TBC1D5: variants seen among roughly 807,000 people sequenced by gnomAD.
TBC1D5 encodes the protein TBC1 domain family member 5, also known as TBC1 domain family, member 5.
In TBC1D5, 75 loss-of-function variants were observed where a neutral mutation model predicts 100.3. The observed-to-expected ratio is 0.75, with a 90% CI of 0.62 to 0.91. TBC1D5 has a LOEUF of 0.91. Among genes scored for constraint, TBC1D5 ranks in the 40% least tolerant of loss-of-function variants. TBC1D5 has a pLI of 0.00. For missense variants in TBC1D5, 910 were observed against 942.4 expected (o/e 0.97, Z 0.45); for synonymous variants, 323 against 325.6 (o/e 0.99, Z 0.09).
intron 13 of TBC1D5, among the ~76,000 whole-genome samples, chr3:17,360,757 T>C (rs1421120142): frequency 6.6e-6 from 1 of 152,034 alleles, no homozygotes; most frequent in Non-Finnish European, 1.5e-5. Flanking sequence ...AAATTTCTTC[T>C]ATGTTATATA....
At chr3:17,410,967 G>T (rs2093907755) in intron 4 of TBC1D5, among the ~76,000 whole-genome samples, 1 of 152,138 alleles carries the variant, frequency 6.6e-6, no homozygotes, top group African/African-American at 2.4e-5. Context: ...TTTGAAACAA[G>T]TTCTACTCTG....
chr3:17,615,976 C>T (rs541651614), intron 2 of TBC1D5, among the ~76,000 whole-genome samples: 103 of 152,098 alleles, frequency 6.8e-4, no homozygotes, highest in Middle Eastern at 3.4e-3. Context: ...TTAATTGTGA[C>T]GTTAGGGTGT....
chr3:17,288,162 T>C (rs1365177896), intron 15 of TBC1D5, among the ~76,000 whole-genome samples: 7 of 152,146 alleles, frequency 4.6e-5, no homozygotes, highest in Non-Finnish European at 8.8e-5. Context: ...CCTCTTTTTT[T>C]CCCCCTTAGC....
Position 17,501,547 on chromosome 3 carries a change from C to G in TBC1D5, c.97+6927G>C, listed in dbSNP as rs1405073511. On this transcript the variant is annotated intron_variant, in intron 3 of 21. Transcript: ENST00000253692. ...TTTTGGCCCTACTGCTCCCACATTC[C>G]CTTCAGGACTCCCATCACCACACTA... Among the ~76,000 whole-genome samples, 4 of 149,028 alleles carry G rather than the reference C, an allele frequency of 2.7e-5. 1 individual carries two copies. Among genetic ancestry groups the G allele is most frequent in the African/African-American group, 1.0e-4 (4 of 39,028 alleles).
At chr3:17,727,491 G>A (rs141949991) in intron 1 of TBC1D5, among the ~76,000 whole-genome samples, 1 of 152,198 alleles carries the variant, frequency 6.6e-6, no homozygotes, top group Non-Finnish European at 1.5e-5. Context: ...CCAAGAAACA[G>A]AGTCATAAGA....
At chr3:17,452,840 C>T (rs2094958883) in intron 3 of TBC1D5, among the ~76,000 whole-genome samples, 1 of 152,028 alleles carries the variant, frequency 6.6e-6, no homozygotes, top group South Asian at 2.1e-4. Flanking sequence ...CAGAACATTT[C>T]ATCCAACAGG....
chr3:17,683,690 G>A (rs767115473), intron 1 of TBC1D5, among the ~76,000 whole-genome samples: 2 of 152,042 alleles, frequency 1.3e-5, no homozygotes, highest in East Asian at 3.8e-4. Flanking sequence ...GTCCTAATGC[G>A]AGCCCCACCA....
intron 17 of TBC1D5, among the ~76,000 whole-genome samples, chr3:17,217,882 A>ATT (rs2073840149): frequency 6.6e-6 from 1 of 151,746 alleles, no homozygotes; most frequent in Non-Finnish European, 1.5e-5. Context: ...TCATCTACCT[A>ATT]TTTTTTCTTT....
chr3:17,549,163 T>C (rs2096449137), intron 2 of TBC1D5, among the ~76,000 whole-genome samples: 1 of 152,050 alleles, frequency 6.6e-6, no homozygotes, highest in African/African-American at 2.4e-5. Context: ...TAGCCGAGTG[T>C]GGTGGCGCAT....
At chr3:17,387,280 G>T (rs1414715748) in intron 8 of TBC1D5, among the ~76,000 whole-genome samples, 1 of 152,108 alleles carries the variant, frequency 6.6e-6, no homozygotes, top group Non-Finnish European at 1.5e-5. Context: ...GTAAACAGAA[G>T]CACAGAGAAA....
At chr3:17,482,132 T>G (rs1278208589) in intron 3 of TBC1D5, among the ~76,000 whole-genome samples, 1 of 152,216 alleles carries the variant, frequency 6.6e-6, no homozygotes, top group Non-Finnish European at 1.5e-5. Flanking sequence ...GAAAGGTGTT[T>G]ACTATGGAAA....
At chr3:17,280,548 T>C (rs1254401101) in intron 15 of TBC1D5, among the ~76,000 whole-genome samples, 1 of 152,064 alleles carries the variant, frequency 6.6e-6, no homozygotes, top group Non-Finnish European at 1.5e-5. Flanking sequence ...TTGGAGACTA[T>C]GGTTTGACGT....
intron 2 of TBC1D5, among the ~76,000 whole-genome samples, chr3:17,573,687 C>A (rs1320778315): frequency 6.6e-6 from 1 of 152,002 alleles, no homozygotes; most frequent in Non-Finnish European, 1.5e-5. Flanking sequence ...TTTCCCTCCA[C>A]CTAGAGTGTC....
At chr3:17,592,572 T>C (rs369211495) in intron 2 of TBC1D5, among the ~76,000 whole-genome samples, 38 of 152,340 alleles carry the variant, frequency 2.5e-4, no homozygotes, top group African/African-American at 8.2e-4. Flanking sequence ...ATTCCTCATC[T>C]GGGTTTGTTA....
chr3:17,165,354 T>G (rs981408266), intron 21 of TBC1D5, among the ~76,000 whole-genome samples: 4 of 152,250 alleles, frequency 2.6e-5, no homozygotes, highest in Admixed American at 2.6e-4. Flanking sequence ...GCTAAAGTTT[T>G]AAATAAAATT....
At chr3:17,200,539 C>T (rs1337835404) in intron 18 of TBC1D5, among the ~76,000 whole-genome samples, 3 of 152,246 alleles carry the variant, frequency 2.0e-5, no homozygotes, top group East Asian at 3.8e-4. Context: ...CCTGTTTGAT[C>T]CTGAAACCAT....
intron 17 of TBC1D5, among the ~76,000 whole-genome samples, chr3:17,217,765 G>A (rs1407166259): frequency 6.6e-6 from 1 of 152,016 alleles, no homozygotes; most frequent in Non-Finnish European, 1.5e-5. Flanking sequence ...CTGGGTGCAA[G>A]TTCCTTATCA....
At chr3:17,218,101 A>G (rs942433965) in intron 17 of TBC1D5, among the ~76,000 whole-genome samples, 1 of 152,042 alleles carries the variant, frequency 6.6e-6, no homozygotes, top group African/African-American at 2.4e-5. Flanking sequence ...ACTATTTGTA[A>G]AAAAGACTAC....
chr3:17,591,024 G>A (rs2096763870), intron 2 of TBC1D5, among the ~76,000 whole-genome samples: 1 of 151,716 alleles, frequency 6.6e-6, no homozygotes, highest in Non-Finnish European at 1.5e-5. Context: ...CAGATCACGA[G>A]GTCAGGAGAC....
Sources: gnomAD v4.1 joint callset for allele counts (sites outside exome capture counted in the v4.1 genomes callset) on GRCh38, gnomAD v4.1.1 for gene constraint, MANE v1.5 for transcripts, NCBI Gene and HGNC (gene_info 2026-07-23, HGNC 2026-07-21) for gene names.